AFG2A: variants seen among roughly 807,000 people sequenced by gnomAD.
AFG2A encodes the protein AAA ATPase AFG2A.
At chr4:123,074,886 A>G in the AFG2A span, among the ~76,000 whole-genome samples, 1 of 152,156 alleles carries the variant, frequency 6.6e-6, no homozygotes, top group African/African-American at 2.4e-5. Context: ...GGATGAATAG[A>G]GATGTCTATG....
the AFG2A span, among the ~76,000 whole-genome samples, chr4:122,996,001 G>A: frequency 2.0e-5 from 3 of 152,100 alleles, no homozygotes; most frequent in Non-Finnish European, 4.4e-5. Context: ...TAGTTCATTG[G>A]TCCCATTACT....
chr4:122,947,112 T>C, the AFG2A span: 8 of 863,482 alleles, frequency 9.3e-6, no homozygotes, highest in Non-Finnish European at 1.3e-5. Flanking sequence ...GCGTAAGAAA[T>C]AGGACTTAGT....
At chr4:122,938,707 C>T in the AFG2A span, among the ~76,000 whole-genome samples, 2 of 152,308 alleles carry the variant, frequency 1.3e-5, no homozygotes, top group South Asian at 4.1e-4. Flanking sequence ...TCTCCTGCCT[C>T]AGCCTCCTGA....
At chr4:123,028,429 C>G in the AFG2A span, 2 of 1,579,948 alleles carry the variant, frequency 1.3e-6, no homozygotes, top group Non-Finnish European at 1.7e-6. Context: ...GCTACTCTCT[C>G]TTGGCCTCCC....
chr4:123,305,693 C>T, the AFG2A span, among the ~76,000 whole-genome samples: 2 of 152,146 alleles, frequency 1.3e-5, no homozygotes, highest in Non-Finnish European at 2.9e-5. Context: ...CTTTTTATCA[C>T]GTCATTTTTT....
the AFG2A span, chr4:123,315,869 C>T: frequency 1.3e-5 from 2 of 152,184 alleles, no homozygotes; most frequent in South Asian, 4.1e-4. Context: ...CTTCAAACTC[C>T]TGGAGCTCAA....
the AFG2A span, among the ~76,000 whole-genome samples, chr4:123,185,690 G>T: frequency 1.3e-5 from 2 of 152,086 alleles, no homozygotes; most frequent in Non-Finnish European, 2.9e-5. Context: ...TCTTATACAT[G>T]AAGGAGTTCT....
At chr4:123,244,381 A>G in the AFG2A span, among the ~76,000 whole-genome samples, 3 of 152,244 alleles carry the variant, frequency 2.0e-5, no homozygotes, top group Non-Finnish European at 4.4e-5. Flanking sequence ...GAGAGACAGA[A>G]ACACGCTGTT....
At chr4:123,140,191 G>A in the AFG2A span, among the ~76,000 whole-genome samples, 10 of 152,022 alleles carry the variant, frequency 6.6e-5, no homozygotes, top group Non-Finnish European at 1.2e-4. Context: ...TAAATGACAG[G>A]TAGGAAATAA....
At chr4:122,947,473 T>C in the AFG2A span, 7 of 1,612,082 alleles carry the variant, frequency 4.3e-6, no homozygotes, top group Non-Finnish European at 5.1e-6. Flanking sequence ...CTTGAAAGTC[T>C]TGTGTAATGA....
the AFG2A span, among the ~76,000 whole-genome samples, chr4:122,982,419 A>C: frequency 6.6e-6 from 1 of 152,138 alleles, no homozygotes; most frequent in Non-Finnish European, 1.5e-5. Flanking sequence ...TGTTGAGAAT[A>C]TTTCCATCTA....
the AFG2A span, among the ~76,000 whole-genome samples, chr4:123,032,930 A>G: frequency 2.0e-5 from 3 of 152,178 alleles, no homozygotes; most frequent in Non-Finnish European, 4.4e-5. Flanking sequence ...CTAAAATATG[A>G]TGTTCAGTAG....
chr4:123,020,222 C>T, the AFG2A span, among the ~76,000 whole-genome samples: 4 of 152,000 alleles, frequency 2.6e-5, no homozygotes, highest in African/African-American at 9.7e-5. Flanking sequence ...CAGACACACA[C>T]ACGAGTATGT....
At chr4:123,173,283 A>G in the AFG2A span, among the ~76,000 whole-genome samples, 1 of 149,998 alleles carries the variant, frequency 6.7e-6, no homozygotes, top group Non-Finnish European at 1.5e-5. Flanking sequence ...TAGGTCCACC[A>G]CACTTATCAT....
chr4:122,952,116 T>A, the AFG2A span, among the ~76,000 whole-genome samples: 1 of 152,196 alleles, frequency 6.6e-6, no homozygotes, highest in Non-Finnish European at 1.5e-5. Flanking sequence ...TTTTGTAATG[T>A]CCTCTACTTG....
At chr4:123,003,057 A>C in the AFG2A span, among the ~76,000 whole-genome samples, 1 of 151,820 alleles carries the variant, frequency 6.6e-6, no homozygotes, top group Non-Finnish European at 1.5e-5. Flanking sequence ...CATTCATCTC[A>C]TCTTCCATCA....
the AFG2A span, among the ~76,000 whole-genome samples, chr4:123,155,706 G>A: frequency 2.0e-5 from 3 of 152,132 alleles, no homozygotes; most frequent in African/African-American, 7.2e-5. Flanking sequence ...GAGGATGTGC[G>A]TAGGTCATAA....
chr4:123,057,635 ATTAC>A, the AFG2A span, among the ~76,000 whole-genome samples: 14 of 152,188 alleles, frequency 9.2e-5, no homozygotes, highest in African/African-American at 2.7e-4. Flanking sequence ...ATTAATCATA[ATTAC>A]TTCTTGTAGT....
chr4:123,090,197 T>C, the AFG2A span, among the ~76,000 whole-genome samples: 3 of 152,352 alleles, frequency 2.0e-5, no homozygotes, highest in African/African-American at 7.2e-5. Context: ...GTTTGCATCT[T>C]ACTCAGTTTT....
Sources: allele counts gnomAD v4.1 joint callset (sites outside exome capture counted in the v4.1 genomes callset), GRCh38; gene constraint gnomAD v4.1.1; transcripts MANE v1.5; gene names NCBI Gene and HGNC (gene_info 2026-07-23, HGNC 2026-07-21).